Variants in PITPNB observed in about 807,000 individuals in gnomAD.
PITPNB encodes phosphatidylinositol transfer protein beta isoform.
A neutral mutation model predicts 45.9 loss-of-function variants in PITPNB; 16 were observed. The observed-to-expected ratio is 0.35, with a 90% CI of 0.24 to 0.53. The LOEUF is 0.53. Ranked by LOEUF, PITPNB falls within the 20% of genes least tolerant of loss-of-function variation. The probability of loss-of-function intolerance (pLI) is 0.93; values close to 1 mark genes in which losing one functional copy is unlikely to be tolerated. For missense variants in PITPNB, 188 were observed against 330.5 expected (o/e 0.57, Z 3.34); for synonymous variants, 112 against 108.9 (o/e 1.03, Z -0.18).
chr22:27,898,027 T>C, intron 3 of PITPNB, 135 bp from the exon 4 acceptor site: 1 of 647,282 alleles, frequency 1.5e-6, no homozygotes, highest in Non-Finnish European at 2.8e-6. Flanking sequence ...ATTTCAATCC[T>C]AAAGTAATCC....
In PITPNB at chr22:27,873,719, A is replaced by G; in HGVS notation, c.534+19T>C. On this transcript the variant is annotated intron_variant, in intron 8 of 11. Coordinates refer to ENST00000335272, the MANE Select transcript of PITPNB (RefSeq NM_012399.5). ...CTGTTGCCAAGACTCTGCCTGTCAG[A>G]AAGGTCAGCATCCAGTACCTTCCAG... The G allele has an allele frequency of 6.6e-7, 1 of 1,508,420 alleles. No homozygotes were observed. Among genetic ancestry groups the G allele is most frequent in the Non-Finnish European group, 9.2e-7 (1 of 1,083,730 alleles). 93.4% of individuals were successfully genotyped at this position (1,508,420 alleles called of 1,614,324 possible). A position where few individuals can be genotyped will look rare whatever the true frequency, so the allele number is the denominator to read the frequency against.
chr22:27,903,467 C>CAAAA (rs71194750), intron 3 of PITPNB, among the ~76,000 whole-genome samples: 1 of 81,306 alleles, frequency 1.2e-5, no homozygotes, highest in African/African-American at 4.4e-5. Flanking sequence ...GAAACTGTCT[C>CAAAA]AAAAAAAAAA....
At chr22:27,918,920 A>T (rs540802360) in intron 1 of PITPNB, among the ~76,000 whole-genome samples, 12 of 151,348 alleles carry the variant, frequency 7.9e-5, no homozygotes, top group African/African-American at 1.2e-4. Flanking sequence ...TTCCCGAGCC[A>T]TGCGCTCGGG....
At chr22:27,898,343 C>A (rs368082871) in intron 3 of PITPNB, among the ~76,000 whole-genome samples, 4 of 151,542 alleles carry the variant, frequency 2.6e-5, no homozygotes, top group South Asian at 4.2e-4. Context: ...CCACTGCACT[C>A]TAGCCTGGGC....
intron 6 of PITPNB, among the ~76,000 whole-genome samples, chr22:27,895,934 G>C (rs890010530): frequency 6.6e-6 from 1 of 151,992 alleles, no homozygotes; most frequent in African/African-American, 2.4e-5. Context: ...CTAGACCAAG[G>C]GCATCAACCT....
At chr22:27,893,270 CA>C (rs1935332664) in intron 7 of PITPNB, among the ~76,000 whole-genome samples, 1 of 150,912 alleles carries the variant, frequency 6.6e-6, no homozygotes, top group Admixed American at 6.6e-5. Context: ...CAAGATGAGA[CA>C]GGGGTCTGTT....
intron 7 of PITPNB, among the ~76,000 whole-genome samples, chr22:27,881,640 C>T (rs1259761003): frequency 6.6e-6 from 1 of 152,152 alleles, no homozygotes; most frequent in African/African-American, 2.4e-5. Flanking sequence ...TCTAAAGAGC[C>T]GGGTAGCCAC....
intron 8 of PITPNB, among the ~76,000 whole-genome samples, chr22:27,862,936 A>C (rs1353822610): frequency 6.6e-6 from 1 of 152,200 alleles, no homozygotes; most frequent in East Asian, 1.9e-4. Context: ...GGGCTCCTGG[A>C]TGCAGAAGCA....
chr22:27,918,030 T>C lies in PITPNB; in HGVS notation c.20+1142A>G, dbSNP rs565997348. On this transcript the variant is annotated intron_variant, in intron 1 of 11. Coordinates refer to ENST00000335272, the MANE Select transcript of PITPNB (RefSeq NM_012399.5). ...GAAAGGTCTTGAACTGAACTTATTCTAGAGTAGCAGAGGAACAGCAAGGAA... is the reference window on the plus strand; with the variant it reads ...GAAAGGTCTTGAACTGAACTTATTCCAGAGTAGCAGAGGAACAGCAAGGAA... Among the ~76,000 whole-genome samples, 19 of 152,204 alleles carry C rather than the reference T, an allele frequency of 1.2e-4. 1 individual carries two copies. The highest frequency in any genetic ancestry group is 4.6e-4 in the African/African-American group (19 of 41,532).
At chr22:27,913,009 G>T (rs960334839) in intron 2 of PITPNB, among the ~76,000 whole-genome samples, 104 of 150,486 alleles carry the variant, frequency 6.9e-4, no homozygotes, top group Middle Eastern at 3.5e-3. Flanking sequence ...AAAAAGGTGG[G>T]GGGGGGAGTA....
At chr22:27,877,769 G>A (rs929842236) in intron 7 of PITPNB, among the ~76,000 whole-genome samples, 2 of 152,150 alleles carry the variant, frequency 1.3e-5, no homozygotes, top group South Asian at 2.1e-4. Context: ...GAGGTGGGGG[G>A]CAGGCTGGTA....
At chr22:27,866,529 G>A (rs1279067912) in intron 8 of PITPNB, among the ~76,000 whole-genome samples, 1 of 152,128 alleles carries the variant, frequency 6.6e-6, no homozygotes, top group African/African-American at 2.4e-5. Context: ...ATAAACAAAC[G>A]TAAAAGAGAT....
intron 1 of PITPNB, among the ~76,000 whole-genome samples, chr22:27,916,237 G>A (rs1936071385): frequency 6.6e-6 from 1 of 152,210 alleles, no homozygotes; most frequent in Non-Finnish European, 1.5e-5. Flanking sequence ...AATGAGTCAA[G>A]TAACTTCTTC....
intron 10 of PITPNB, among the ~76,000 whole-genome samples, chr22:27,855,902 G>A (rs1377036123): frequency 6.6e-6 from 1 of 152,216 alleles, no homozygotes; most frequent in Non-Finnish European, 1.5e-5. Context: ...TTCTGCGTGT[G>A]AAGAGGACTC....
chr22:27,885,245 A>AAAAAAAAAAAAAAAAAAAAG (rs1935089139), intron 7 of PITPNB, among the ~76,000 whole-genome samples: 1 of 133,860 alleles, frequency 7.5e-6, no homozygotes, highest in African/African-American at 2.7e-5. Context: ...AAAAAAAAAA[A>AAAAAAAAAAAAAAAAAAAAG]AAAAAAAGCA....
intron 8 of PITPNB, among the ~76,000 whole-genome samples, chr22:27,867,797 C>A (rs1223931207): frequency 6.6e-6 from 1 of 152,188 alleles, no homozygotes; most frequent in Admixed American, 6.5e-5. Flanking sequence ...CTGAATCCTT[C>A]AACTCTGTCT....
intron 7 of PITPNB, among the ~76,000 whole-genome samples, chr22:27,892,673 A>G (rs1398695820): frequency 6.6e-6 from 1 of 152,246 alleles, no homozygotes; most frequent in Non-Finnish European, 1.5e-5. Context: ...GCTGTAAACA[A>G]TACCAAGAGA....
chr22:27,860,497 C>G (rs1055077995), intron 8 of PITPNB: 4 of 307,574 alleles, frequency 1.3e-5, no homozygotes, highest in Non-Finnish European at 2.5e-5. Context: ...TCAAATAACA[C>G]TATTCAGATT....
At chr22:27,874,025 T>G (rs1299985396) in intron 7 of PITPNB, among the ~76,000 whole-genome samples, 1 of 152,218 alleles carries the variant, frequency 6.6e-6, no homozygotes, top group African/African-American at 2.4e-5. Flanking sequence ...GCTAAATAAC[T>G]ACATAATAAG....
Sources: allele counts gnomAD v4.1 joint callset (sites outside exome capture counted in the v4.1 genomes callset), GRCh38; gene constraint gnomAD v4.1.1; transcripts MANE v1.5; gene names NCBI Gene and HGNC (gene_info 2026-07-23, HGNC 2026-07-21).